The following LRTM2 variants were observed in gnomAD, a reference collection of about 807,000 sequenced individuals.
LRTM2 encodes the protein leucine rich repeat transmembrane protein 2, also known as leucine-rich repeat and transmembrane domain-containing protein 2.
Under a neutral mutation model 28.1 loss-of-function variants are expected in LRTM2, and 18 were observed. That is an observed-to-expected ratio of 0.64 (90% CI 0.44 to 0.95). The LOEUF is 0.95. Ranked by LOEUF, LRTM2 falls within the 40% of genes least tolerant of loss-of-function variation. LRTM2 has a pLI of 0.00. For missense variants in LRTM2, 436 were observed against 497.2 expected (o/e 0.88, Z 1.17); for synonymous variants, 250 against 218.7 (o/e 1.14, Z -1.26).
At chr12:1,822,098 C>T (rs528488447) in intron 1 of LRTM2, 1 of 152,184 alleles carries the variant, frequency 6.6e-6, no homozygotes, top group South Asian at 2.1e-4. Flanking sequence ...AGTCTCAGCA[C>T]TGCCAAAAGA....
At chr12:1,831,627 A>T in intron 4 of LRTM2, 102 bp downstream of exon 4, 1 of 968,772 alleles carries the variant, frequency 1.0e-6, no homozygotes, top group Non-Finnish European at 1.5e-6. Context: ...AGAGCAGGCC[A>T]GGGGAAAGAA....
In LRTM2 at chr12:1,835,706, C is replaced by A. The variant is rs1016241919; in HGVS notation, c.*985C>A. On this transcript the variant is annotated 3_prime_UTR_variant, in exon 5 of 5. Coordinates refer to ENST00000299194, the MANE Select transcript of LRTM2 (RefSeq NM_001039029.3). ...CCTGCTGGGCTTTCCCGGGATACCA[C>A]CCAGGGGCCTGGAGCGGCTGCATGT... The A allele has an allele frequency of 6.5e-6, 1 of 152,748 alleles. No homozygotes were observed. The highest frequency in any genetic ancestry group is 2.4e-5 in the African/African-American group (1 of 41,464). 9.5% of individuals were successfully genotyped at this position (152,748 alleles called of 1,614,324 possible).
rs1864792603 is a variant in LRTM2 at position 1,834,939 on chromosome 12, C to T, written c.*218C>T. 1 of 820,462 alleles carries T rather than the reference C, an allele frequency of 1.2e-6. No homozygotes were observed. The highest frequency in any genetic ancestry group is 1.8e-6 in the Non-Finnish European group (1 of 549,354). 50.8% of individuals were successfully genotyped at this position (820,462 alleles called of 1,614,324 possible). The stretch of plus-strand genomic sequence containing the variant: ...GCTCCTGCTGATGCTCCTGTCTGGG[C>T]CAGTAAATCTTTGGAACATGTGGGG... On this transcript the variant is annotated 3_prime_UTR_variant, in exon 5 of 5. Transcript: ENST00000299194. The surrounding 1 kb of genome is among the most constrained non-coding windows in gnomAD (Gnocchi z 7.6).
chr12:1,830,766 T>C (rs566917154), intron 3 of LRTM2, among the ~76,000 whole-genome samples, 169 bp from the exon 4 acceptor site: 1 of 152,358 alleles, frequency 6.6e-6, no homozygotes, highest in South Asian at 2.1e-4. Context: ...TGGCTTTGGA[T>C]TTGTTAATTA....
At position 1,833,014 on chromosome 12, in the gene LRTM2, C is replaced by T. The variant is rs187053381; in HGVS notation, c.659-1253C>T. On this transcript the variant is annotated intron_variant, in intron 4 of 4. Coordinates refer to ENST00000299194, the MANE Select transcript of LRTM2 (RefSeq NM_001039029.3). The surrounding 1 kb of genome is among the most constrained non-coding windows in gnomAD (Gnocchi z 4.2). ...CTGCAGGCCACCGAGGTGTCAGCCG[C>T]ACAGGGGAACTAGGCCGGGTGTCTT... Among the ~76,000 whole-genome samples, 2 of 152,312 alleles carry T rather than the reference C, an allele frequency of 1.3e-5. No individual in the cohort carries two copies. The highest frequency in any genetic ancestry group is 3.9e-4 in the East Asian group (2 of 5,184).
At chr12:1,831,666 G>C (rs1411464946) in intron 4 of LRTM2, 141 bp downstream of exon 4, 1 of 696,596 alleles carries the variant, frequency 1.4e-6, no homozygotes, top group East Asian at 2.7e-5. Flanking sequence ...GTGCCAGCTC[G>C]GCTAGAAAAG....
At chr12:1,823,813 A>T (rs981628616) in intron 1 of LRTM2, among the ~76,000 whole-genome samples, 3 of 152,176 alleles carry the variant, frequency 2.0e-5, no homozygotes, top group Non-Finnish European at 4.4e-5. Flanking sequence ...CTCCAGCGGG[A>T]GTGGATCAGG....
At chr12:1,825,415 G>A (rs2887631) in intron 1 of LRTM2, among the ~76,000 whole-genome samples, 111,819 of 152,122 alleles carry the variant, frequency 0.74, 41,266 homozygotes, top group East Asian at 0.88. Flanking sequence ...ATGGGCCCTG[G>A]GCAGAGGAGG....
At position 1,834,917 on chromosome 12, in the gene LRTM2, C is replaced by T. The variant is rs1864791460; in HGVS notation, c.*196C>T. 1 of 978,458 alleles carries T rather than the reference C, an allele frequency of 1.0e-6. No individual in the cohort carries two copies. Among genetic ancestry groups the T allele is most frequent in the South Asian group, 1.8e-5 (1 of 54,728 alleles). The allele number at this position is 978,458 out of a possible 1,614,324, so 60.6% of individuals were successfully genotyped here. ...CCTGAAAGCCACCGTGCTGGGGGCT[C>T]CTGCTGATGCTCCTGTCTGGGCCAG... On this transcript the variant is annotated 3_prime_UTR_variant, in exon 5 of 5. Coordinates refer to ENST00000299194, the MANE Select transcript of LRTM2 (RefSeq NM_001039029.3). The surrounding 1 kb of genome is among the most constrained non-coding windows in gnomAD (Gnocchi z 7.6).
rs201498991 is a variant in LRTM2 at position 1,834,995 on chromosome 12, A to C, written c.*274A>C. 6 of 511,362 alleles carry C rather than the reference A, an allele frequency of 1.2e-5. No homozygotes were observed. The East Asian group carries it at 2.2e-4, about 19-fold the overall frequency. 31.7% of individuals were successfully genotyped at this position (511,362 alleles called of 1,614,324 possible). On this transcript the variant is annotated 3_prime_UTR_variant, in exon 5 of 5. Transcript: ENST00000299194. The surrounding 1 kb of genome is among the most constrained non-coding windows in gnomAD (Gnocchi z 7.6). ...CCCTAAGCTCTGGCCACAGCAAAGC[A>C]AGGAGGTGTGTGCAAGAGGAGGCTT...
intron 1 of LRTM2, among the ~76,000 whole-genome samples, chr12:1,824,747 C>T (rs1001985147): frequency 6.6e-6 from 1 of 152,212 alleles, no homozygotes; most frequent in Non-Finnish European, 1.5e-5. Flanking sequence ...TAAGGAGGCT[C>T]CACTCTTCTG....
chr12:1,830,918 C>T lies in LRTM2; in HGVS notation c.68-17C>T. The T allele has an allele frequency of 6.3e-7, 1 of 1,579,194 alleles. No individual in the cohort carries two copies. Among genetic ancestry groups the T allele is most frequent in the Non-Finnish European group, 8.6e-7 (1 of 1,157,050 alleles). On this transcript the variant is annotated splice_polypyrimidine_tract_variant and intron_variant, in intron 3 of 4. Transcript: ENST00000299194. Reference sequence around the variant, plus strand: ...CGTCCTATTGCTTTCTTTCCCCCGTCTGTCCCTCCCACCAAGGGATCACCT... The same window carrying T: ...CGTCCTATTGCTTTCTTTCCCCCGTTTGTCCCTCCCACCAAGGGATCACCT...
chr12:1,825,046 A>G (rs1388382551), intron 1 of LRTM2, among the ~76,000 whole-genome samples: 1 of 152,238 alleles, frequency 6.6e-6, no homozygotes, highest in African/African-American at 2.4e-5. Flanking sequence ...AAACAATACC[A>G]GGATCAACAG....
chr12:1,826,058 G>A (rs534525924), intron 1 of LRTM2, among the ~76,000 whole-genome samples: 2 of 152,148 alleles, frequency 1.3e-5, no homozygotes, highest in African/African-American at 4.8e-5. Flanking sequence ...CAGGCCCGGG[G>A]TGCTCAGGAA....
chr12:1,832,347 A>G (rs1864672422), intron 4 of LRTM2, among the ~76,000 whole-genome samples: 1 of 152,198 alleles, frequency 6.6e-6, no homozygotes, highest in Non-Finnish European at 1.5e-5. Context: ...ATGAGAATTA[A>G]ATGTGGCAAT....
In LRTM2 at chr12:1,825,110, C is replaced by T. The variant is rs144409066; in HGVS notation, c.-258-2300C>T. Among the ~76,000 whole-genome samples, 508 of 152,338 alleles carry T rather than the reference C, an allele frequency of 3.3e-3. 4 individuals carry two copies. Among genetic ancestry groups the T allele is most frequent in the African/African-American group, 0.011 (454 of 41,574 alleles). ...GTGGGTCTGCATTGTGGGGACTTGC[C>T]GGACTTGTGCAGGTGACATCCCATT... On this transcript the variant is annotated intron_variant, in intron 1 of 4. Coordinates refer to ENST00000299194, the MANE Select transcript of LRTM2 (RefSeq NM_001039029.3).
In LRTM2 at chr12:1,834,838, C is replaced by T; in HGVS notation, c.*117C>T. On this transcript the variant is annotated 3_prime_UTR_variant, in exon 5 of 5. Transcript: ENST00000299194. This position sits in a 1 kb window ranked among gnomAD's most constrained non-coding sequence, Gnocchi z 7.6. ...TGCCTCCCCGAGTCCACCCTCCTCC[C>T]CGCCCTCCAGCAGACAAGCCACACC... The T allele has an allele frequency of 7.0e-7, 1 of 1,433,586 alleles. No individual in the cohort carries two copies. The highest frequency in any genetic ancestry group is 9.1e-7 in the Non-Finnish European group (1 of 1,096,670). The allele number at this position is 1,433,586 out of a possible 1,614,324, so 88.8% of individuals were successfully genotyped here.
chr12:1,833,319 A>G lies in LRTM2; in HGVS notation c.659-948A>G, dbSNP rs1864713274. On this transcript the variant is annotated intron_variant, in intron 4 of 4. Transcript: ENST00000299194. This position sits in a 1 kb window ranked among gnomAD's most constrained non-coding sequence, Gnocchi z 4.2. ...CAGGGGGTCTAGTGCCTGCATCCAG[A>G]TTTCACTGGAAGCTGAAAGAGGGCC... Among the ~76,000 whole-genome samples the G allele has an allele frequency of 6.6e-6, 1 of 151,972 alleles. No homozygotes were observed. Among genetic ancestry groups the G allele is most frequent in the Non-Finnish European group, 1.5e-5 (1 of 68,000 alleles).
intron 1 of LRTM2, among the ~76,000 whole-genome samples, chr12:1,825,922 C>T (rs1435314636): frequency 2.6e-5 from 4 of 152,316 alleles, no homozygotes; most frequent in East Asian, 1.9e-4. Context: ...TTGATATGGA[C>T]ATTCTTGACT....
Sources: gnomAD v4.1 joint callset for allele counts (sites outside exome capture counted in the v4.1 genomes callset) on GRCh38, gnomAD v4.1.1 for gene constraint, Gnocchi (gnomAD v3.1) non-coding constraint, MANE v1.5 for transcripts, NCBI Gene and HGNC (gene_info 2026-07-23, HGNC 2026-07-21) for gene names.